RLN2: variants seen among roughly 807,000 people sequenced by gnomAD.
The protein encoded by RLN2 is prorelaxin H2.
RLN2 carries 10 observed loss-of-function variants against 7.3 expected under a neutral mutation model. That is an observed-to-expected ratio of 1.36 (90% confidence interval 0.84 to 2.31). The LOEUF (loss-of-function observed/expected upper bound fraction) is 2.31, where lower values mean the gene tolerates loss of function less well. Among genes scored for constraint, RLN2 ranks in the 30% most tolerant of loss-of-function variants. The pLI is 0.00. For synonymous variants in RLN2, 103 were observed against 82.3 expected, an observed-to-expected ratio of 1.25 and a Z score of -1.36; for missense variants, 298 against 217.6, an observed-to-expected ratio of 1.37 and a Z score of -2.32.
chr9:5,309,528 G>T (rs193251510), upstream of RLN2, among the ~76,000 whole-genome samples: 1 of 151,916 alleles, frequency 6.6e-6, no homozygotes, highest in African/African-American at 2.4e-5. Context: ...TGGACCATCG[G>T]CCTTGCCACT....
At chr9:5,311,589 G>T in the RLN2 span, 1 of 915,238 alleles carries the variant, frequency 1.1e-6, no homozygotes, top group East Asian at 2.4e-5. Flanking sequence ...GCAAAGACAG[G>T]AGAGAAGATA....
chr9:5,307,267 T>C (rs1253614328), upstream of RLN2, among the ~76,000 whole-genome samples: 1 of 89,642 alleles, frequency 1.1e-5, no homozygotes, highest in East Asian at 2.9e-4. Flanking sequence ...GATAGATAGA[T>C]AGAGGATAGA....
At chr9:5,316,144 AGTT>A in the RLN2 span, among the ~76,000 whole-genome samples, 1 of 151,990 alleles carries the variant, frequency 6.6e-6, no homozygotes, top group African/African-American at 2.4e-5. Flanking sequence ...AACTACAATA[AGTT>A]GTTAAGAAGC....
chr9:5,329,277 T>A, the RLN2 span, among the ~76,000 whole-genome samples: 1 of 126,284 alleles, frequency 7.9e-6, no homozygotes, highest in Non-Finnish European at 1.6e-5. Context: ...CAGTCCGCAG[T>A]CCGGCCTGGG....
At chr9:5,330,237 A>C in the RLN2 span, among the ~76,000 whole-genome samples, 3 of 152,116 alleles carry the variant, frequency 2.0e-5, no homozygotes, top group African/African-American at 7.2e-5. Flanking sequence ...AATGTACCAG[A>C]ATCTCTGGGA....
the RLN2 span, among the ~76,000 whole-genome samples, chr9:5,330,652 A>AG: frequency 9.3e-5 from 14 of 149,996 alleles, no homozygotes; most frequent in Non-Finnish European, 1.9e-4. Context: ...AAAAAAAAAA[A>AG]AAAGAAAAAA....
the RLN2 span, among the ~76,000 whole-genome samples, chr9:5,331,980 A>G: frequency 1.3e-5 from 2 of 152,052 alleles, no homozygotes; most frequent in African/African-American, 4.8e-5. Context: ...AATGTATACA[A>G]GTATAAGGGT....
Position 5,300,442 on chromosome 9 carries a change from T to C in RLN2, c.214A>G (p.Ile72Val). ...TCTTTGTTGATGAAGGATGGCACAATTTCTGTTAAATTTAAAAAAAAAGGT... is the reference window on the plus strand; with the variant it reads ...TCTTTGTTGATGAAGGATGGCACAACTTCTGTTAAATTTAAAAAAAAAGGT... Reference protein sequence around the residue: ...APQTPRPVAEIVPSFINKDTE... With the variant: ...APQTPRPVAEVVPSFINKDTE... The change falls in exon 2 of 2, where the codon ATT (isoleucine) becomes GTT (valine). Residue 72 changes from isoleucine to valine, a missense_variant and splice_region_variant. Ile to Val is a conservative substitution (Grantham distance 29, BLOSUM62 3). Coordinates refer to ENST00000381627, the MANE Select transcript of RLN2 (RefSeq NM_134441.3). The C allele has an allele frequency of 1.3e-6, 2 of 1,593,728 alleles. No homozygotes were observed. The highest frequency in any genetic ancestry group is 8.5e-7 in the Non-Finnish European group (1 of 1,170,496).
At chr9:5,305,359 C>CCACACA (rs34733616), upstream of RLN2, among the ~76,000 whole-genome samples, 221 of 121,872 alleles carry the variant, frequency 1.8e-3, 3 homozygotes, top group East Asian at 8.1e-3. Context: ...GGAGAACATA[C>CCACACA]CACACACACA....
At chr9:5,309,831 C>T in the RLN2 span, among the ~76,000 whole-genome samples, 44,529 of 151,640 alleles carry the variant, frequency 0.29, 6,989 homozygotes, top group East Asian at 0.45. Flanking sequence ...ATGAGGTGTG[C>T]GCAGCTTCCC....
rs760343057 is a variant in RLN2, at chr9:5,304,560, G to GA, written c.20dup (p.His8ProfsTer26). On this transcript the variant is annotated frameshift_variant, in exon 1 of 2. Transcript: ENST00000381627. LOFTEE classifies it high-confidence loss of function. ...GTAGTAAACAGACTCCTAGCAGGTG[G>GA]AAAAAAAACAGGCGAGGCATCCTGG... 42 of 1,613,154 alleles carry GA rather than the reference G, an allele frequency of 2.6e-5. No individual in the cohort carries two copies. Among genetic ancestry groups the GA allele is most frequent in the Admixed American group, 1.2e-4 (7 of 59,908 alleles).
At chr9:5,312,271 C>G in the RLN2 span, among the ~76,000 whole-genome samples, 1 of 151,962 alleles carries the variant, frequency 6.6e-6, no homozygotes, top group African/African-American at 2.4e-5. Context: ...CATCTTTCAG[C>G]GTAGACTTAA....
rs1563732513 is a variant in RLN2 at position 5,300,197 on chromosome 9, C to CAAGCCTAAG, written c.450_458dup (p.Gly152_Leu153insPheLeuGly). 6.2e-7 allele frequency: 1 copy of CAAGCCTAAG among 1,613,904 alleles called. No homozygotes were observed. Among genetic ancestry groups the CAAGCCTAAG allele is most frequent in the South Asian group, 1.1e-5 (1 of 91,060 alleles). The stretch of plus-strand genomic sequence containing the variant: ...GTCTCTTTTTTCGAGAATGAGTATC[C>CAAGCCTAAG]AAGCCTAAGTATTTTAATTCTGAAG... On this transcript the variant is annotated inframe_insertion, in exon 2 of 2. Transcript: ENST00000381627.
chr9:5,322,049 G>T, the RLN2 span, among the ~76,000 whole-genome samples: 6 of 152,074 alleles, frequency 3.9e-5, no homozygotes, highest in African/African-American at 1.5e-4. Context: ...CTGTAGCTTG[G>T]TGCCCAAATC....
At chr9:5,321,855 T>C in the RLN2 span, among the ~76,000 whole-genome samples, 2 of 152,076 alleles carry the variant, frequency 1.3e-5, no homozygotes, top group African/African-American at 2.4e-5. Context: ...CTGCCCTTGG[T>C]GTCAGCTGTG....
the RLN2 span, among the ~76,000 whole-genome samples, chr9:5,321,686 G>A: frequency 2.0e-5 from 3 of 149,948 alleles, no homozygotes; most frequent in African/African-American, 2.5e-5. Flanking sequence ...AGGGAGGGAA[G>A]AAGGAAGCAA....
chr9:5,308,379 C>A (rs1816290791), upstream of RLN2, among the ~76,000 whole-genome samples: 1 of 151,900 alleles, frequency 6.6e-6, no homozygotes, highest in South Asian at 2.1e-4. Flanking sequence ...AAGAATCACC[C>A]CTGGCCAGGT....
chr9:5,304,216 A>G (rs1198216366), intron 1 of RLN2, 154 bp downstream of exon 1: 2 of 559,116 alleles, frequency 3.6e-6, no homozygotes, highest in African/African-American at 2.9e-5. Flanking sequence ...GAAAAGCCCA[A>G]ACTTTAGGGA....
the RLN2 span, among the ~76,000 whole-genome samples, chr9:5,316,371 C>T: frequency 6.6e-6 from 1 of 151,846 alleles, no homozygotes; most frequent in Non-Finnish European, 1.5e-5. Context: ...TATACACATG[C>T]CATGGTGGTT....
Sources: gnomAD v4.1 joint callset for allele counts (sites outside exome capture counted in the v4.1 genomes callset) on GRCh38, gnomAD v4.1.1 for gene constraint, MANE v1.5 for transcripts, NCBI Gene and HGNC (gene_info 2026-07-23, HGNC 2026-07-21) for gene names.